Variants in G3BP2 observed in about 807,000 individuals in gnomAD.
G3BP2 encodes G3BP stress granule assembly factor 2.
Under a neutral mutation model 56.7 loss-of-function variants are expected in G3BP2, and 11 were observed. The ratio of observed to expected loss-of-function variants is 0.19; its 90% CI spans 0.12 to 0.32. G3BP2 has a LOEUF of 0.32. G3BP2 is among the 10% of genes least tolerant of loss of function. The probability of loss-of-function intolerance (pLI) is 1.00; values close to 1 mark genes in which losing one functional copy is unlikely to be tolerated. For missense variants in G3BP2, 340 were observed against 610.9 expected, an observed-to-expected ratio of 0.56 and a Z score of 4.67; for synonymous variants, 165 against 191.6, an observed-to-expected ratio of 0.86 and a Z score of 1.15.
intron 3 of G3BP2, among the ~76,000 whole-genome samples, chr4:75,681,233 A>G (rs1468493693): frequency 1.3e-5 from 2 of 151,688 alleles, no homozygotes; most frequent in East Asian, 2.0e-4. Context: ...CTGAGGCAGG[A>G]GAATCGCTTG....
At chr4:75,719,347 C>CAAAA (rs55689229) in intron 3 of G3BP2, among the ~76,000 whole-genome samples, 1 of 86,982 alleles carries the variant, frequency 1.1e-5, no homozygotes, top group East Asian at 3.4e-4. Context: ...GACTCCGTCT[C>CAAAA]AAAAAAAAAA....
intron 7 of G3BP2, 134 bp from the exon 8 acceptor site, chr4:75,654,215 GCA>G (rs1387274215): frequency 7.6e-5 from 40 of 529,086 alleles, no homozygotes; most frequent in East Asian, 1.5e-4. Flanking sequence ...TAAAAGAAAG[GCA>G]CACACACACA....
intron 3 of G3BP2, among the ~76,000 whole-genome samples, chr4:75,704,494 T>A (rs1483700462): frequency 2.2e-5 from 3 of 135,182 alleles, no homozygotes; most frequent in Admixed American, 1.6e-4. Flanking sequence ...ATTTTTAAAA[T>A]TTTTTATAGA....
intron 3 of G3BP2, among the ~76,000 whole-genome samples, chr4:75,687,745 C>T (rs959593002): frequency 1.3e-5 from 2 of 152,130 alleles, no homozygotes; most frequent in African/African-American, 4.8e-5. Flanking sequence ...ACCCGTATGA[C>T]AGATGCTCCT....
At chr4:75,705,976 C>A (rs1219941548) in intron 3 of G3BP2, among the ~76,000 whole-genome samples, 1 of 152,094 alleles carries the variant, frequency 6.6e-6, no homozygotes, top group Non-Finnish European at 1.5e-5. Context: ...TATACATATA[C>A]ATATATATGT....
intron 3 of G3BP2, among the ~76,000 whole-genome samples, chr4:75,715,504 C>T (rs777390481): frequency 1.3e-5 from 2 of 152,190 alleles, no homozygotes; most frequent in Non-Finnish European, 2.9e-5. Flanking sequence ...ATGTGAAAAG[C>T]TCTCTGAACA....
At chr4:75,668,146 T>C (rs2149030472) in intron 1 of G3BP2, among the ~76,000 whole-genome samples, 1 of 152,304 alleles carries the variant, frequency 6.6e-6, no homozygotes, top group Admixed American at 6.5e-5. Context: ...GGAGTATTGG[T>C]AGATAATACA....
At chr4:75,716,685 T>C (rs1479909254) in intron 3 of G3BP2, among the ~76,000 whole-genome samples, 2 of 152,066 alleles carry the variant, frequency 1.3e-5, no homozygotes, top group East Asian at 3.9e-4. Flanking sequence ...CCAGCTAATT[T>C]TGTATTTTTA....
intron 8 of G3BP2, among the ~76,000 whole-genome samples, chr4:75,653,596 AAAAAAAAAAAC>A (rs1275946555): frequency 4.6e-4 from 69 of 150,866 alleles, no homozygotes; most frequent in African/African-American, 1.6e-3. Flanking sequence ...CTTTAAAAAA[AAAAAAAAAAAC>A]AAAAACGATT....
chr4:75,653,731 C>A (rs1420790650), intron 8 of G3BP2, among the ~76,000 whole-genome samples: 1 of 151,894 alleles, frequency 6.6e-6, no homozygotes, highest in Non-Finnish European at 1.5e-5. Context: ...TTTTAAGAAG[C>A]CTTTTAAATG....
Position 75,657,034 on chromosome 4 carries a change from T to C in G3BP2, c.352-20A>G. ...AGATCCCTATAGGAAACAACATTTATTCCATAAATATCCAGAAATCTGGTA... is the reference window on the plus strand; with the variant it reads ...AGATCCCTATAGGAAACAACATTTACTCCATAAATATCCAGAAATCTGGTA... On this transcript the variant is annotated intron_variant, in intron 4 of 11. Transcript: ENST00000359707. 1 of 1,006,520 alleles carries C rather than the reference T, an allele frequency of 9.9e-7. No individual in the cohort carries two copies. The highest frequency in any genetic ancestry group is 1.5e-6 in the Non-Finnish European group (1 of 663,326). The allele number at this position is 1,006,520 out of a possible 1,614,324, so 62.3% of individuals were successfully genotyped here. A position where few individuals can be genotyped will look rare whatever the true frequency, so the allele number is the denominator to read the frequency against.
At chr4:75,658,742 A>C (rs1578393861) in intron 3 of G3BP2, 101 bp downstream of exon 3, 1 of 791,930 alleles carries the variant, frequency 1.3e-6, no homozygotes, top group East Asian at 2.5e-5. Context: ...AAAAAAGAGA[A>C]AGAAAGAAAG....
At chr4:75,708,598 A>T (rs1248567631) in intron 3 of G3BP2, among the ~76,000 whole-genome samples, 3 of 152,174 alleles carry the variant, frequency 2.0e-5, no homozygotes, top group Non-Finnish European at 4.4e-5. Context: ...ACCTGAGGAG[A>T]TGGTCCATAC....
At chr4:75,647,433 C>A (rs558679654) in intron 9 of G3BP2, among the ~76,000 whole-genome samples, 1 of 152,252 alleles carries the variant, frequency 6.6e-6, no homozygotes, top group African/African-American at 2.4e-5. Flanking sequence ...TACAGGTATT[C>A]CTCCTTAACC....
At chr4:75,672,805 CT>C (rs1251279000) in intron 1 of G3BP2, 1 of 159,996 alleles carries the variant, frequency 6.3e-6, no homozygotes, top group Admixed American at 6.5e-5. Flanking sequence ...GAACGGTGGG[CT>C]ACCCACCCTA....
At chr4:75,662,663 T>G (rs1732658527) in intron 1 of G3BP2, 1 of 152,250 alleles carries the variant, frequency 6.6e-6, no homozygotes, top group African/African-American at 2.4e-5. Flanking sequence ...TGTGTCTCCC[T>G]TTCTCTCTCT....
At position 75,661,323 on chromosome 4, in the gene G3BP2, T is replaced by C. The variant is rs565446802; in HGVS notation, c.95+608A>G. ...TTGTATTTTTAGCAGAGACGAGGCTTCACCATGTTGGCCAGGCTGGTCTCA... is the reference window on the plus strand; with the variant it reads ...TTGTATTTTTAGCAGAGACGAGGCTCCACCATGTTGGCCAGGCTGGTCTCA... On this transcript the variant is annotated intron_variant, in intron 2 of 11. Transcript: ENST00000359707. Among the ~76,000 whole-genome samples the C allele has an allele frequency of 2.6e-5, 4 of 152,220 alleles. 1 individual carries two copies. Among genetic ancestry groups the C allele is most frequent in the African/African-American group, 9.6e-5 (4 of 41,548 alleles).
intron 3 of G3BP2, among the ~76,000 whole-genome samples, chr4:75,719,363 A>AT (rs1345690919): frequency 7.2e-5 from 11 of 151,776 alleles, no homozygotes; most frequent in African/African-American, 2.7e-4. Flanking sequence ...AAAAAAAAAA[A>AT]AAAAGAAATT....
intron 3 of G3BP2, among the ~76,000 whole-genome samples, chr4:75,681,096 G>T (rs1734053682): frequency 6.6e-6 from 1 of 151,728 alleles, no homozygotes; most frequent in Non-Finnish European, 1.5e-5. Flanking sequence ...GGCCAAGGTG[G>T]GTGGATCACC....
Sources: gnomAD v4.1 joint callset for allele counts (sites outside exome capture counted in the v4.1 genomes callset) on GRCh38, gnomAD v4.1.1 for gene constraint, MANE v1.5 for transcripts, NCBI Gene and HGNC (gene_info 2026-07-23, HGNC 2026-07-21) for gene names.